The following PCDHGA8 variants were observed in gnomAD, a reference collection of about 807,000 sequenced individuals.
PCDHGA8 encodes protocadherin gamma subfamily A, 8, also known as protocadherin gamma-A8.
Under a neutral mutation model 59.2 loss-of-function variants are expected in PCDHGA8, and 45 were observed. That is an observed-to-expected ratio of 0.76 (90% CI 0.60 to 0.98). PCDHGA8 has a LOEUF of 0.98. Among genes scored for constraint, PCDHGA8 ranks in the 50% least tolerant of loss-of-function variants. The pLI is 0.00. For missense variants in PCDHGA8, 1,257 were observed against 1,196.2 expected (o/e 1.05, Z -0.75); for synonymous variants, 531 against 519.0 (o/e 1.02, Z -0.32).
rs112156044 is a variant in PCDHGA8, at chr5:141,476,771, G to T, written c.2425-18036G>T. ...CCAGTTAGTGCTGACGGCGTTGGAC[G>T]GAGGGACCCCAGCTCTCTCCGCCAG... On this transcript the variant is annotated intron_variant, in intron 1 of 3. Coordinates refer to ENST00000398604, the MANE Select transcript of PCDHGA8 (RefSeq NM_032088.2). The surrounding 1 kb of genome is among the most constrained non-coding windows in gnomAD (Gnocchi z 7.6). The T allele has an allele frequency of 6.2e-7, 1 of 1,613,700 alleles. No homozygotes were observed. The highest frequency in any genetic ancestry group is 1.1e-5 in the South Asian group (1 of 91,084).
chr5:141,433,305 C>A, intron 1 of PCDHGA8: 1 of 931,030 alleles, frequency 1.1e-6, no homozygotes, highest in Non-Finnish European at 1.6e-6. Context: ...GCAATTATCC[C>A]ACCTTTGCCT....
intron 1 of PCDHGA8, among the ~76,000 whole-genome samples, chr5:141,453,288 ATTATTTAT>A (rs577328880): frequency 6.6e-6 from 1 of 151,342 alleles, no homozygotes; most frequent in Non-Finnish European, 1.5e-5. Context: ...TAATTTTTTA[ATTATTTAT>A]TTATTTATTT....
Position 141,489,802 on chromosome 5 carries a change from G to A in PCDHGA8, c.2425-5005G>A, listed in dbSNP as rs2099692541. On this transcript the variant is annotated intron_variant, in intron 1 of 3. Transcript: ENST00000398604. The surrounding 1 kb of genome is among the most constrained non-coding windows in gnomAD (Gnocchi z 4.5). ...TCTGAATGTGAAGACCCTAAAAGAT[G>A]GGAAGCCATTCCCAGAGCTGGTGCT... is the stretch of plus-strand genomic sequence containing the variant. 6.2e-7 allele frequency: 1 copy of A among 1,614,042 alleles called. No homozygotes were observed. The highest frequency in any genetic ancestry group is 1.1e-5 in the South Asian group (1 of 91,088).
chr5:141,448,335 A>T (rs567377336), intron 1 of PCDHGA8, among the ~76,000 whole-genome samples: 1 of 152,108 alleles, frequency 6.6e-6, no homozygotes, highest in Non-Finnish European at 1.5e-5. Flanking sequence ...CTTTATAGCC[A>T]TGTACCTCAA....
chr5:141,498,976 G>A (rs1311505059), intron 2 of PCDHGA8, among the ~76,000 whole-genome samples: 1 of 13,010 alleles, frequency 7.7e-5, no homozygotes, highest in Non-Finnish European at 2.3e-4. Context: ...AGGGAGGGAA[G>A]GAAGGAAGGA....
chr5:141,478,186 C>T, intron 1 of PCDHGA8: 2 of 1,614,016 alleles, frequency 1.2e-6, no homozygotes, highest in Non-Finnish European at 1.7e-6. Context: ...AAAAAAATCT[C>T]ACCTTTTATC....
At chr5:141,500,222 T>TGA (rs1355843194) in intron 2 of PCDHGA8, among the ~76,000 whole-genome samples, 1 of 146,758 alleles carries the variant, frequency 6.8e-6, no homozygotes, top group Non-Finnish European at 1.5e-5. Flanking sequence ...ATTTATTTAT[T>TGA]TATTGATACG....
chr5:141,481,229 A>G (rs989963485), intron 1 of PCDHGA8, among the ~76,000 whole-genome samples: 5 of 152,212 alleles, frequency 3.3e-5, no homozygotes, highest in African/African-American at 4.8e-5. Context: ...TCCCAGCCTT[A>G]AAGTATTACA....
intron 1 of PCDHGA8, among the ~76,000 whole-genome samples, chr5:141,468,089 T>C (rs1349447353): frequency 6.6e-6 from 1 of 151,010 alleles, no homozygotes; most frequent in Non-Finnish European, 1.5e-5. Context: ...CTTTGGGAGG[T>C]TGAGGCAGGC....
Position 141,477,584 on chromosome 5 carries a change from G to A in PCDHGA8, c.2425-17223G>A. 5 of 1,614,148 alleles carry A rather than the reference G, an allele frequency of 3.1e-6. No homozygotes were observed. Among genetic ancestry groups the A allele is most frequent in the Non-Finnish European group, 4.2e-6 (5 of 1,180,032 alleles). On this transcript the variant is annotated intron_variant, in intron 1 of 3. Coordinates refer to ENST00000398604, the MANE Select transcript of PCDHGA8 (RefSeq NM_032088.2). This position sits in a 1 kb window ranked among gnomAD's most constrained non-coding sequence, Gnocchi z 4.9. ...CTGGGACCCCGACGCCCCGCAGAAT[G>A]CTCGGCTTTCTTTCTTTCTCTTGGA...
intron 1 of PCDHGA8, among the ~76,000 whole-genome samples, chr5:141,443,720 T>G (rs1349609652): frequency 2.6e-5 from 4 of 152,156 alleles, no homozygotes; most frequent in Non-Finnish European, 5.9e-5. Flanking sequence ...CATATAAAAT[T>G]CCTCATACAT....
At chr5:141,466,123 A>G (rs961197575) in intron 1 of PCDHGA8, among the ~76,000 whole-genome samples, 1 of 151,364 alleles carries the variant, frequency 6.6e-6, no homozygotes, top group African/African-American at 2.4e-5. Flanking sequence ...CTCCAGCTCA[A>G]AAAAAAAATC....
intron 1 of PCDHGA8, among the ~76,000 whole-genome samples, chr5:141,484,179 A>G (rs2099592960): frequency 6.6e-6 from 1 of 152,222 alleles, no homozygotes; most frequent in South Asian, 2.1e-4. Context: ...GATCTCAATC[A>G]TTCAAGGAAG....
chr5:141,467,321 G>A (rs2099141786), intron 1 of PCDHGA8, among the ~76,000 whole-genome samples: 2 of 152,024 alleles, frequency 1.3e-5, no homozygotes, highest in East Asian at 1.9e-4. Context: ...CCACAGTGCT[G>A]GGATTAGAGA....
chr5:141,392,779 T>C lies in PCDHGA8; in HGVS notation c.-35T>C, dbSNP rs757880986. The C allele has an allele frequency of 6.5e-7, 1 of 1,534,720 alleles. No homozygotes were observed. The highest frequency in any genetic ancestry group is 1.4e-5 in the African/African-American group (1 of 72,492). ...CTAAATAAGACCCATTTATGCACAG[T>C]GAAGATTCTGAGAGGATTCTGCAGC... On this transcript the variant is annotated 5_prime_UTR_variant, in exon 1 of 4. Transcript: ENST00000398604.
chr5:141,481,434 A>C (rs1374254063), intron 1 of PCDHGA8, among the ~76,000 whole-genome samples: 1 of 152,256 alleles, frequency 6.6e-6, no homozygotes, highest in East Asian at 1.9e-4. Context: ...TGATTGTATC[A>C]GTTTAGTACA....
intron 1 of PCDHGA8, chr5:141,409,680 C>T (rs756713114): frequency 1.9e-6 from 3 of 1,613,242 alleles, no homozygotes; most frequent in African/African-American, 1.3e-5. Context: ...TCTATAGTGG[C>T]GAGTGACCTA....
At chr5:141,439,547 T>C (rs2098120171) in intron 1 of PCDHGA8, among the ~76,000 whole-genome samples, 2 of 152,180 alleles carry the variant, frequency 1.3e-5, no homozygotes, top group Non-Finnish European at 2.9e-5. Context: ...CTCTCATTTC[T>C]TCAGGCTGCA....
intron 1 of PCDHGA8, chr5:141,419,776 C>T (rs965350189): frequency 1.2e-6 from 2 of 1,614,026 alleles, no homozygotes; most frequent in Admixed American, 1.7e-5. Context: ...ACTCGGTCCG[C>T]CAGCGCCTGC....
Sources: gnomAD v4.1 joint callset for allele counts (sites outside exome capture counted in the v4.1 genomes callset) on GRCh38, gnomAD v4.1.1 for gene constraint, Gnocchi (gnomAD v3.1) non-coding constraint, MANE v1.5 for transcripts, NCBI Gene and HGNC (gene_info 2026-07-23, HGNC 2026-07-21) for gene names.